Variants in CPED1 observed in about 807,000 individuals in gnomAD.
CPED1 encodes cadherin like and PC-esterase domain containing 1.
A neutral mutation model predicts 128.2 loss-of-function variants in CPED1; 114 were observed. The ratio of observed to expected loss-of-function variants is 0.89; its 90% CI spans 0.76 to 1.04. The LOEUF (loss-of-function observed/expected upper bound fraction) is 1.04. Among genes scored for constraint, CPED1 ranks in the 50% least tolerant of loss-of-function variants. The pLI is 0.00. For synonymous variants in CPED1, 462 were observed against 426.7 expected, an observed-to-expected ratio of 1.08 and a Z score of -1.02; for missense variants, 1,211 against 1,207.1, an observed-to-expected ratio of 1.00 and a Z score of -0.05.
intron 12 of CPED1, among the ~76,000 whole-genome samples, chr7:121,133,180 G>C (rs1453010705): frequency 3.3e-5 from 5 of 152,048 alleles, no homozygotes; most frequent in African/African-American, 1.2e-4. Flanking sequence ...AGATGATCCT[G>C]CCTGCTGTTC....
chr7:121,260,741 C>T (rs1202804299), intron 18 of CPED1, among the ~76,000 whole-genome samples: 1 of 152,014 alleles, frequency 6.6e-6, no homozygotes, highest in Non-Finnish European at 1.5e-5. Context: ...TATAACTTCC[C>T]CTTTGGGAAG....
Position 121,124,484 on chromosome 7 carries a change from A to C in CPED1, c.1061+11A>C. ...AAAGACCTTCCATAGGTAAAAAACA[A>C]ATTTTAATTTAAAAAAAAAAGAAAA... On this transcript the variant is annotated intron_variant, in intron 8 of 22. Coordinates refer to ENST00000310396, the MANE Select transcript of CPED1 (RefSeq NM_024913.5). The C allele has an allele frequency of 1.4e-6, 2 of 1,439,170 alleles. No individual in the cohort carries two copies. The highest frequency in any genetic ancestry group is 1.8e-6 in the Non-Finnish European group (2 of 1,084,270). The allele number at this position is 1,439,170 out of a possible 1,614,324, so 89.2% of individuals were successfully genotyped here.
chr7:121,078,498 G>GAAAAAAAAAAAAAAAAAAA (rs529856618), intron 5 of CPED1, among the ~76,000 whole-genome samples: 2 of 101,926 alleles, frequency 2.0e-5, no homozygotes, highest in Non-Finnish European at 3.7e-5. Context: ...AAGAAAGAAA[G>GAAAAAAAAAAAAAAAAAAA]AAAAAAAAAA....
chr7:121,277,415 T>A, intron 22 of CPED1, among the ~76,000 whole-genome samples: 1 of 151,920 alleles, frequency 6.6e-6, no homozygotes, highest in Non-Finnish European at 1.5e-5. Context: ...AGAAAATAGG[T>A]TGTAGTTGAA....
chr7:121,156,056 C>T (rs1412894594), intron 16 of CPED1, among the ~76,000 whole-genome samples: 1 of 152,090 alleles, frequency 6.6e-6, no homozygotes, highest in Non-Finnish European at 1.5e-5. Context: ...AGACATTTCT[C>T]AAGAGATACA....
chr7:121,129,852 A>G (rs1324173145), intron 11 of CPED1, among the ~76,000 whole-genome samples: 1 of 151,424 alleles, frequency 6.6e-6, no homozygotes, highest in Non-Finnish European at 1.5e-5. Context: ...GTCTTCTGGT[A>G]TCTGTAACAG....
chr7:121,142,560 A>G (rs1344420183), intron 16 of CPED1, among the ~76,000 whole-genome samples: 1 of 152,062 alleles, frequency 6.6e-6, no homozygotes, highest in African/African-American at 2.4e-5. Flanking sequence ...ATTTTACAAG[A>G]CGGATACTGG....
chr7:121,099,572 T>C (rs1042258750), intron 6 of CPED1, among the ~76,000 whole-genome samples: 2 of 152,212 alleles, frequency 1.3e-5, no homozygotes, highest in Admixed American at 6.5e-5. Context: ...TTCACCCTGT[T>C]GGCCAGCCTG....
chr7:120,993,947 CT>C, intron 2 of CPED1: 1 of 329,046 alleles, frequency 3.0e-6, no homozygotes, highest in South Asian at 2.2e-5. Flanking sequence ...AAGCTCGCCC[CT>C]GGGTGGGGGT....
rs895350305 is a variant in CPED1, at chr7:120,989,739, A to G, written c.118A>G (p.Lys40Glu). 3 of 1,613,780 alleles carry G rather than the reference A, an allele frequency of 1.9e-6. No individual in the cohort carries two copies. Among genetic ancestry groups the G allele is most frequent in the Non-Finnish European group, 2.5e-6 (3 of 1,179,996 alleles). ...YQTLTLRGSR[K>E]LTAAAPGAVP... ...GACTCTGACCCTCCGAGGGTCGAGGAAGCTCACAGCCGCTGCCCCTGGGGC... is the reference window on the plus strand; with the variant it reads ...GACTCTGACCCTCCGAGGGTCGAGGGAGCTCACAGCCGCTGCCCCTGGGGC... The change falls in exon 2 of 23, where the codon AAG becomes GAG. Residue 40 changes from lysine to glutamate, a missense_variant. Physicochemically the swap from Lys to Glu is moderately conservative, Grantham distance 56. Coordinates refer to ENST00000310396, the MANE Select transcript of CPED1 (RefSeq NM_024913.5).
chr7:121,170,910 T>G (rs1373706659), intron 16 of CPED1, among the ~76,000 whole-genome samples: 1 of 151,488 alleles, frequency 6.6e-6, no homozygotes, highest in Non-Finnish European at 1.5e-5. Context: ...AATTAGCGGG[T>G]GTGGTGGCCC....
intron 19 of CPED1, 92 bp downstream of exon 19, chr7:121,266,539 A>C: frequency 8.0e-7 from 1 of 1,243,198 alleles, no homozygotes; most frequent in African/African-American, 1.5e-5. Flanking sequence ...CTGTACATCA[A>C]ATGTGCTCAA....
At chr7:121,151,742 T>G (rs1047059901) in intron 16 of CPED1, among the ~76,000 whole-genome samples, 3 of 152,242 alleles carry the variant, frequency 2.0e-5, no homozygotes, top group East Asian at 1.9e-4. Flanking sequence ...ACTATTTATA[T>G]TGTTCTCATT....
chr7:121,138,277 A>G (rs984109918), intron 14 of CPED1, among the ~76,000 whole-genome samples: 10 of 151,974 alleles, frequency 6.6e-5, no homozygotes, highest in African/African-American at 2.4e-4. Flanking sequence ...GCTTTCCCAT[A>G]TATACTTGCC....
chr7:120,990,832 G>A (rs1029955120), intron 2 of CPED1, among the ~76,000 whole-genome samples: 5 of 152,146 alleles, frequency 3.3e-5, no homozygotes, highest in Non-Finnish European at 7.3e-5. Flanking sequence ...CAGCTCCGTT[G>A]CTACCATTAT....
chr7:121,091,381 T>G (rs1004664172), intron 5 of CPED1, among the ~76,000 whole-genome samples: 1 of 152,184 alleles, frequency 6.6e-6, no homozygotes, highest in Non-Finnish European at 1.5e-5. Context: ...TTTATTTTGG[T>G]CTTGTTTTTA....
chr7:121,088,308 T>C (rs935418899), intron 5 of CPED1, among the ~76,000 whole-genome samples: 7 of 152,164 alleles, frequency 4.6e-5, no homozygotes, highest in African/African-American at 1.7e-4. Context: ...AAAAGCATCT[T>C]GCCAGCACAA....
intron 18 of CPED1, among the ~76,000 whole-genome samples, chr7:121,254,787 C>A (rs751850603): frequency 3.3e-5 from 5 of 151,626 alleles, no homozygotes; most frequent in Non-Finnish European, 7.4e-5. Context: ...TCTTTGCACA[C>A]AAATTAGAAA....
chr7:121,101,766 G>C (rs752550116), intron 7 of CPED1, among the ~76,000 whole-genome samples: 10 of 152,080 alleles, frequency 6.6e-5, no homozygotes, highest in Non-Finnish European at 1.0e-4. Context: ...CATAGTGAGA[G>C]AGGGAGCAAG....
Sources: gnomAD v4.1 joint callset for allele counts (sites outside exome capture counted in the v4.1 genomes callset) on GRCh38, gnomAD v4.1.1 for gene constraint, MANE v1.5 for transcripts, NCBI Gene and HGNC (gene_info 2026-07-23, HGNC 2026-07-21) for gene names.